Variants in RNPS1 observed in about 807,000 individuals in gnomAD.
The protein encoded by RNPS1 is RNA-binding protein with serine-rich domain 1.
For synonymous variants in RNPS1, 147 were observed against 150.0 expected (o/e 0.98, Z 0.15); for missense variants, 300 against 427.6 (o/e 0.70, Z 2.63).
At chr16:2,259,747 G>A (rs1237237158) in intron 6 of RNPS1, among the ~76,000 whole-genome samples, 2 of 152,146 alleles carry the variant, frequency 1.3e-5, no homozygotes, top group East Asian at 3.8e-4. Context: ...AAATTAGCTG[G>A]GTGTGGTGGC....
At chr16:2,263,627 T>G (rs1388839316) in intron 3 of RNPS1, among the ~76,000 whole-genome samples, 1 of 152,138 alleles carries the variant, frequency 6.6e-6, no homozygotes. Flanking sequence ...CTAGGTTGAT[T>G]TTTTCTTTTG....
chr16:2,258,336 A>G (rs2093587688), intron 6 of RNPS1: 1 of 152,222 alleles, frequency 6.6e-6, no homozygotes, highest in African/African-American at 2.4e-5. Context: ...CATATTTGCT[A>G]ATTTTTTTCC....
intron 7 of RNPS1, among the ~76,000 whole-genome samples, chr16:2,254,397 C>G (rs1253539859): frequency 6.6e-6 from 1 of 151,458 alleles, no homozygotes; most frequent in Non-Finnish European, 1.5e-5. Flanking sequence ...AGGTTCATGC[C>G]ATTCTCCTGC....
chr16:2,262,594 G>A (rs1294409907), intron 5 of RNPS1, 146 bp downstream of exon 5: 2 of 934,936 alleles, frequency 2.1e-6, no homozygotes, highest in African/African-American at 1.7e-5. Context: ...TGTATTAATG[G>A]TCCACCAAGA....
chr16:2,260,736 C>G (rs1382498253), intron 6 of RNPS1, among the ~76,000 whole-genome samples: 1 of 152,190 alleles, frequency 6.6e-6, no homozygotes, highest in Non-Finnish European at 1.5e-5. Context: ...TCTTGCTCCA[C>G]TGTATACAAA....
Position 2,262,542 on chromosome 16 carries a change from G to A in RNPS1, c.523-111C>T, listed in dbSNP as rs2093607377. 2.6e-6 allele frequency: 3 copies of A among 1,171,772 alleles called. No individual in the cohort carries two copies. The East Asian group carries it at 7.1e-5, about 28-fold the overall frequency. 72.6% of individuals were successfully genotyped at this position (1,171,772 alleles called of 1,614,324 possible). Reference sequence around the variant, plus strand: ...CTCGGCAGGGTAAAACATTCCATCTGATGAGTACCAGTGTTGTTCTGGGAT... The same window carrying A: ...CTCGGCAGGGTAAAACATTCCATCTAATGAGTACCAGTGTTGTTCTGGGAT... On this transcript the variant is annotated intron_variant, in intron 5 of 7. Transcript: ENST00000320225.
At position 2,263,302 on chromosome 16, in the gene RNPS1, A is replaced by AG; in HGVS notation, c.228-16dup. 4 of 1,613,548 alleles carry AG rather than the reference A, an allele frequency of 2.5e-6. No individual in the cohort carries two copies. The highest frequency in any genetic ancestry group is 3.4e-6 in the Non-Finnish European group (4 of 1,179,732). ...TGGACCGAGACCTGAGGGCAAGATG[A>AG]GGGGTCACAACCACCACACACCAAG... On this transcript the variant is annotated splice_polypyrimidine_tract_variant and intron_variant, in intron 3 of 7. Coordinates refer to ENST00000320225, the MANE Select transcript of RNPS1 (RefSeq NM_080594.4).
At chr16:2,267,740 G>A in intron 1 of RNPS1, 1 of 1,292,190 alleles carries the variant, frequency 7.7e-7, no homozygotes, top group Non-Finnish European at 9.8e-7. Context: ...CTCCGGCCCG[G>A]CGGGAGGGCC....
intron 6 of RNPS1, chr16:2,257,110 G>C (rs191521819): frequency 4.6e-5 from 7 of 152,374 alleles, no homozygotes; most frequent in African/African-American, 1.7e-4. Flanking sequence ...TGCATGAAGC[G>C]AGGAGAGGCA....
chr16:2,264,197 G>C lies in RNPS1; in HGVS notation c.206C>G (p.Ser69Cys). ...RDKTRKRRSA[S>C]SGSSSTRSRS... ...CCACCTGGTACTGCTGCTACCACTG[G>C]AAGCGCTGCGCCTCTTTCGGGTTTT... Residue 69 changes from serine to cysteine, a missense_variant, in exon 3 of 8, where the codon TCC becomes TGC. Physicochemically the swap from Ser to Cys is moderately radical, Grantham distance 112. Coordinates refer to ENST00000320225, the MANE Select transcript of RNPS1 (RefSeq NM_080594.4). 1 of 1,613,332 alleles carries C rather than the reference G, an allele frequency of 6.2e-7. No homozygotes were observed. The highest frequency in any genetic ancestry group is 8.5e-7 in the Non-Finnish European group (1 of 1,180,032).
chr16:2,255,669 G>A lies in RNPS1; in HGVS notation c.734C>T (p.Pro245Leu). The A allele has an allele frequency of 6.2e-7, 1 of 1,613,510 alleles. No individual in the cohort carries two copies. The highest frequency in any genetic ancestry group is 8.5e-7 in the Non-Finnish European group (1 of 1,179,754). Residue 245 changes from proline to leucine, a missense_variant, in exon 7 of 8, where the codon CCA (proline) becomes CTA (leucine). Coordinates refer to ENST00000320225, the MANE Select transcript of RNPS1 (RefSeq NM_080594.4). ...ATAVLAPWPR[P>L]PPRRFSPPRR... is the part of the protein sequence containing the mutation. ...GGGAGGGCTGAATCTCCTGGGGGGT[G>A]GCCTAGGCCAGGGGGCCAGCACGGC...
intron 6 of RNPS1, 123 bp downstream of exon 6, chr16:2,262,155 A>C (rs896073925): frequency 2.0e-6 from 2 of 1,021,380 alleles, no homozygotes; most frequent in African/African-American, 3.2e-5. Flanking sequence ...CAGCCTGGGC[A>C]ACAAGTGTGA....
chr16:2,260,078 G>C lies in RNPS1; in HGVS notation c.676+2200C>G, dbSNP rs888711091. Among the ~76,000 whole-genome samples, 3 of 151,404 alleles carry C rather than the reference G, an allele frequency of 2.0e-5. No homozygotes were observed. The East Asian group carries it at 5.8e-4, about 29-fold the overall frequency. ...AAGTATACGCCTAGGAACAAAACTTGGAGCATATTTGTTTCTCTCTACCTA... is the reference window on the plus strand; with the variant it reads ...AAGTATACGCCTAGGAACAAAACTTCGAGCATATTTGTTTCTCTCTACCTA... On this transcript the variant is annotated intron_variant, in intron 6 of 7. Transcript: ENST00000320225.
In RNPS1 at chr16:2,253,928, G is replaced by C. The variant is rs1388501256; in HGVS notation, c.*36C>G. The stretch of plus-strand genomic sequence containing the variant: ...AAGTGACAAAACTGAGCTGGGTGGG[G>C]TATAAGTTACAGGGGCGAGAGCTTC... On this transcript the variant is annotated 3_prime_UTR_variant, in exon 8 of 8. Coordinates refer to ENST00000320225, the MANE Select transcript of RNPS1 (RefSeq NM_080594.4). 1.3e-6 allele frequency: 2 copies of C among 1,517,030 alleles called. No homozygotes were observed. Among genetic ancestry groups the C allele is most frequent in the Non-Finnish European group, 1.8e-6 (2 of 1,115,716 alleles). The allele number at this position is 1,517,030 out of a possible 1,614,324, so 94.0% of individuals were successfully genotyped here.
intron 1 of RNPS1, 107 bp downstream of exon 1, chr16:2,267,948 C>T: frequency 6.5e-7 from 1 of 1,530,452 alleles, no homozygotes; most frequent in East Asian, 2.5e-5. Flanking sequence ...TGCCAGGCCA[C>T]CGCCGCACTG....
At chr16:2,260,221 T>A (rs989169186) in intron 6 of RNPS1, among the ~76,000 whole-genome samples, 1 of 142,938 alleles carries the variant, frequency 7.0e-6, no homozygotes, top group East Asian at 2.2e-4. Context: ...AGTGGCGTAA[T>A]CTTGGCTCGC....
chr16:2,264,418 G>A (rs931219293), intron 2 of RNPS1, 87 bp from the exon 3 acceptor site: 3 of 1,590,754 alleles, frequency 1.9e-6, no homozygotes, highest in African/African-American at 2.7e-5. Context: ...AGCATCAGCA[G>A]GGCCACAGAG....
At chr16:2,263,335 G>A (rs2093611312) in intron 3 of RNPS1, 48 bp from the exon 4 acceptor site, 14 of 1,583,054 alleles carry the variant, frequency 8.8e-6, no homozygotes, top group Non-Finnish European at 1.1e-5. Flanking sequence ...AAGTCTCACA[G>A]TACAGACGCC....
intron 7 of RNPS1, 106 bp downstream of exon 7, chr16:2,255,479 C>A (rs533885482): frequency 1.5e-6 from 2 of 1,334,568 alleles, no homozygotes; most frequent in Non-Finnish European, 2.1e-6. Flanking sequence ...TCTGCCAGCC[C>A]GCACAGCAGT....
Sources: gnomAD v4.1 joint callset for allele counts (sites outside exome capture counted in the v4.1 genomes callset) on GRCh38, gnomAD v4.1.1 for gene constraint, MANE v1.5 for transcripts, NCBI Gene and HGNC (gene_info 2026-07-23, HGNC 2026-07-21) for gene names.